MOB4: variants seen among roughly 807,000 people sequenced by gnomAD.
MOB4 encodes MOB family member 4, phocein.
MOB4 carries 4 observed loss-of-function variants against 32.2 expected under a neutral mutation model. The ratio of observed to expected loss-of-function variants is 0.12; its 90% CI spans 0.06 to 0.28. The LOEUF is 0.28. MOB4 is among the 10% of genes least tolerant of loss of function. MOB4 has a pLI of 1.00. For synonymous variants in MOB4, 88 were observed against 88.1 expected (o/e 1.00, Z 0.01); for missense variants, 158 against 271.2 (o/e 0.58, Z 2.93).
At chr2:197,544,401 A>G (rs892858962) in intron 5 of MOB4, among the ~76,000 whole-genome samples, 3 of 152,288 alleles carry the variant, frequency 2.0e-5, no homozygotes, top group African/African-American at 7.2e-5. Flanking sequence ...AGTTGGAAAC[A>G]GTGAAGATGG....
intron 3 of MOB4, among the ~76,000 whole-genome samples, chr2:197,536,062 C>CTAATTTTT (rs2086793094): frequency 6.6e-6 from 1 of 151,874 alleles, no homozygotes; most frequent in Non-Finnish European, 1.5e-5. Context: ...GCATGCCTCA[C>CTAATTTTT]TAATTTTTTA....
At chr2:197,523,262 A>G (rs76963731) in intron 1 of MOB4, among the ~76,000 whole-genome samples, 2,757 of 152,298 alleles carry the variant, frequency 0.018, 84 homozygotes, top group African/African-American at 0.064. Context: ...TTATAGTTCA[A>G]TTAAATAAAA....
chr2:197,550,598 T>A lies in MOB4; in HGVS notation c.630T>A (p.Ile210=). 3 of 1,607,188 alleles carry A rather than the reference T, an allele frequency of 1.9e-6. No individual in the cohort carries two copies. The highest frequency in any genetic ancestry group is 2.5e-6 in the Non-Finnish European group (3 of 1,178,330). The change falls in exon 8 of 8, where the codon ATT becomes ATA. Residue 210 remains isoleucine (I), a synonymous_variant. Transcript: ENST00000323303. The stretch of plus-strand genomic sequence containing the variant: ...CCAAGGATAACCTGATTGTACCAAT[T>A]TTAGAAGAGGAAGTACAGAATTCAG... ...LMSKDNLIVP[I]LEEEVQNSVS... is the part of the protein sequence containing the mutation.
intron 1 of MOB4, chr2:197,516,453 C>T (rs1460944242): frequency 3.4e-6 from 4 of 1,184,792 alleles, no homozygotes; most frequent in Middle Eastern, 3.2e-4. Context: ...CTCGCCTTGC[C>T]CCTGAGCCCC....
intron 5 of MOB4, among the ~76,000 whole-genome samples, chr2:197,543,108 A>G (rs74476766): frequency 0.16 from 23,962 of 152,162 alleles, 2,123 homozygotes; most frequent in Middle Eastern, 0.28. Context: ...CCTAGCCAAC[A>G]TGGTGAAACC....
At chr2:197,530,698 T>C (rs1457956025) in intron 2 of MOB4, among the ~76,000 whole-genome samples, 2 of 152,072 alleles carry the variant, frequency 1.3e-5, no homozygotes, top group Non-Finnish European at 2.9e-5. Context: ...CTTCTTAGGC[T>C]CAAGCAATCC....
intron 2 of MOB4, among the ~76,000 whole-genome samples, chr2:197,526,835 T>G (rs1194548139): frequency 6.6e-6 from 1 of 152,256 alleles, no homozygotes; most frequent in East Asian, 1.9e-4. Flanking sequence ...TTCTGGGTTC[T>G]TTCTTTATTT....
intron 1 of MOB4, among the ~76,000 whole-genome samples, chr2:197,518,294 T>G (rs540383322): frequency 4.0e-5 from 6 of 151,842 alleles, no homozygotes; most frequent in Admixed American, 6.6e-5. Context: ...TGAGACAGAG[T>G]TTCTCTCTTG....
At chr2:197,546,204 G>T (rs2086990289) in intron 5 of MOB4, among the ~76,000 whole-genome samples, 1 of 151,532 alleles carries the variant, frequency 6.6e-6, no homozygotes. Flanking sequence ...TGGGACTACA[G>T]GTGCCTGCCA....
At chr2:197,544,884 T>C (rs2106134945) in intron 5 of MOB4, among the ~76,000 whole-genome samples, 1 of 152,054 alleles carries the variant, frequency 6.6e-6, no homozygotes, top group African/African-American at 2.4e-5. Flanking sequence ...ATGGCTAAAA[T>C]AGGAAAGATA....
chr2:197,531,157 C>T (rs1004249439), intron 2 of MOB4, among the ~76,000 whole-genome samples: 14 of 151,434 alleles, frequency 9.2e-5, no homozygotes, highest in African/African-American at 2.7e-4. Context: ...ACGCTACTCT[C>T]CTGCCTCAGC....
At chr2:197,546,648 C>A (rs1214764651) in intron 5 of MOB4, among the ~76,000 whole-genome samples, 1 of 152,126 alleles carries the variant, frequency 6.6e-6, no homozygotes, top group Non-Finnish European at 1.5e-5. Context: ...GATCTTCCCA[C>A]TTTGGCCTCC....
chr2:197,516,453 C>G (rs1460944242), intron 1 of MOB4: 2 of 1,184,792 alleles, frequency 1.7e-6, no homozygotes, highest in Admixed American at 3.1e-5. Context: ...CTCGCCTTGC[C>G]CCTGAGCCCC....
intron 1 of MOB4, among the ~76,000 whole-genome samples, chr2:197,519,826 CAG>C (rs1295821206): frequency 5.9e-5 from 9 of 152,004 alleles, no homozygotes; most frequent in African/African-American, 1.7e-4. Flanking sequence ...AAAGAATAGA[CAG>C]AGTATTGGTA....
intron 5 of MOB4, among the ~76,000 whole-genome samples, chr2:197,544,317 C>G (rs1230598062): frequency 6.6e-6 from 1 of 152,194 alleles, no homozygotes; most frequent in East Asian, 1.9e-4. Flanking sequence ...AGTGATCCAC[C>G]TGCCTTGGCC....
chr2:197,542,982 A>C (rs2086923218), intron 5 of MOB4, among the ~76,000 whole-genome samples: 1 of 151,278 alleles, frequency 6.6e-6, no homozygotes, highest in South Asian at 2.1e-4. Context: ...GTCAAAATTG[A>C]AATATGCTGT....
chr2:197,543,543 A>G (rs1227102996), intron 5 of MOB4, among the ~76,000 whole-genome samples: 1 of 152,192 alleles, frequency 6.6e-6, no homozygotes, highest in Non-Finnish European at 1.5e-5. Flanking sequence ...AAGTTCTGAT[A>G]CATGCTACAA....
intron 1 of MOB4, chr2:197,516,398 T>C (rs1270994770): frequency 1.4e-6 from 2 of 1,396,904 alleles, no homozygotes; most frequent in Non-Finnish European, 1.9e-6. Flanking sequence ...GGTACCTGCC[T>C]GCCGAAGCCC....
chr2:197,525,708 T>C (rs773747902), intron 2 of MOB4, among the ~76,000 whole-genome samples: 4 of 121,588 alleles, frequency 3.3e-5, no homozygotes, highest in African/African-American at 1.0e-4. Flanking sequence ...AGACCCTATC[T>C]CAAAAAAAAA....
Sources: allele counts gnomAD v4.1 joint callset (sites outside exome capture counted in the v4.1 genomes callset), GRCh38; gene constraint gnomAD v4.1.1; transcripts MANE v1.5; gene names NCBI Gene and HGNC (gene_info 2026-07-23, HGNC 2026-07-21).